The following SP140 variants were observed in gnomAD, a reference collection of about 807,000 sequenced individuals.
The protein encoded by SP140 is SP140 nuclear body protein, also known as nuclear body protein SP140.
SP140 carries 81 observed loss-of-function variants against 125.0 expected under a neutral mutation model. The observed-to-expected ratio is 0.65, with a 90% CI of 0.54 to 0.78. The LOEUF (loss-of-function observed/expected upper bound fraction) is 0.78, where lower values mean the gene tolerates loss of function less well. Among genes scored for constraint, SP140 ranks in the 30% least tolerant of loss-of-function variants. The probability of loss-of-function intolerance (pLI) is 0.00; values close to 1 mark genes in which losing one functional copy is unlikely to be tolerated. For missense variants in SP140, 858 were observed against 1,037.0 expected, an observed-to-expected ratio of 0.83 and a Z score of 2.37; for synonymous variants, 312 against 354.0, an observed-to-expected ratio of 0.88 and a Z score of 1.33.
chr2:230,208,026 G>T, intron 1 of SP140: 1 of 1,567,968 alleles, frequency 6.4e-7, no homozygotes. Flanking sequence ...TCTCCTTTTT[G>T]GAGTTGACCA....
At chr2:230,192,612 C>G in the SP140 span, among the ~76,000 whole-genome samples, 1 of 152,154 alleles carries the variant, frequency 6.6e-6, no homozygotes, top group African/African-American at 2.4e-5. Flanking sequence ...GAACTACAAA[C>G]CACTCCTCAA....
At chr2:230,265,999 A>T (rs1325892630) in intron 12 of SP140, among the ~76,000 whole-genome samples, 2 of 152,156 alleles carry the variant, frequency 1.3e-5, no homozygotes, top group African/African-American at 2.4e-5. Context: ...GGAGTATTTT[A>T]AAATCGTGAA....
At chr2:230,220,204 A>C (rs910432658) in intron 3 of SP140, 2 of 358,218 alleles carry the variant, frequency 5.6e-6, no homozygotes, top group Non-Finnish European at 7.8e-6. Context: ...TGGGAGGAGG[A>C]GGCATAAGGG....
chr2:230,188,785 G>T, the SP140 span, among the ~76,000 whole-genome samples: 1 of 152,086 alleles, frequency 6.6e-6, no homozygotes, highest in African/African-American at 2.4e-5. Context: ...CCACATTATT[G>T]ACTTGCATGT....
chr2:230,280,707 C>A (rs2055413550), intron 15 of SP140, among the ~76,000 whole-genome samples: 1 of 152,124 alleles, frequency 6.6e-6, no homozygotes, highest in African/African-American at 2.4e-5. Flanking sequence ...GGTTTCACTA[C>A]AAACTGAACA....
At chr2:230,285,220 A>G (rs2056209590) in intron 16 of SP140, among the ~76,000 whole-genome samples, 1 of 152,178 alleles carries the variant, frequency 6.6e-6, no homozygotes. Flanking sequence ...TTCAAAATTT[A>G]TTTTAGCCAT....
In SP140 at chr2:230,294,415, T is replaced by A. The variant is rs142282265; in HGVS notation, c.2016+97T>A. 45 of 922,566 alleles carry A rather than the reference T, an allele frequency of 4.9e-5. No homozygotes were observed. The East Asian group carries it at 1.1e-3, about 22-fold the overall frequency. 57.1% of individuals were successfully genotyped at this position (922,566 alleles called of 1,614,324 possible). A position where few individuals can be genotyped will look rare whatever the true frequency, so the allele number is the denominator to read the frequency against. ...GGGGTCTGAAATTGGGTAGGAATAA[T>A]TAAGCTTTCACCTTCTTCACTACTC... On this transcript the variant is annotated intron_variant, in intron 21 of 26. Coordinates refer to ENST00000392045, the MANE Select transcript of SP140 (RefSeq NM_007237.5).
chr2:230,201,084 C>T, upstream of SP140: 3 of 797,600 alleles, frequency 3.8e-6, no homozygotes, highest in Non-Finnish European at 4.5e-6. Flanking sequence ...AGGTCTTACC[C>T]TCCTAACAAT....
intron 1 of SP140, among the ~76,000 whole-genome samples, chr2:230,206,410 G>A (rs966801981): frequency 5.9e-5 from 9 of 151,372 alleles, no homozygotes; most frequent in African/African-American, 2.2e-4. Context: ...GTGCTCCTCT[G>A]TCTTCACTGG....
chr2:230,195,867 C>T, the SP140 span, among the ~76,000 whole-genome samples: 2 of 151,876 alleles, frequency 1.3e-5, no homozygotes, highest in African/African-American at 2.4e-5. Flanking sequence ...ATATACATAG[C>T]ATATAGAAGG....
intron 1 of SP140, chr2:230,212,818 G>A: frequency 1.9e-6 from 3 of 1,614,116 alleles, no homozygotes; most frequent in Non-Finnish European, 2.5e-6. Context: ...GGGTCAGATG[G>A]GCTGGGCGAC....
At chr2:230,291,059 G>T (rs1341635827) in intron 19 of SP140, among the ~76,000 whole-genome samples, 1 of 152,186 alleles carries the variant, frequency 6.6e-6, no homozygotes, top group African/African-American at 2.4e-5. Flanking sequence ...ATCCAAGAGA[G>T]GGAACAATAA....
At chr2:230,239,106 A>G in intron 3 of SP140, 1 of 1,263,264 alleles carries the variant, frequency 7.9e-7, no homozygotes, top group Non-Finnish European at 1.0e-6. Flanking sequence ...GAAGAATGGG[A>G]TGTGTTGATT....
chr2:230,295,891 A>G (rs966309887), intron 21 of SP140, among the ~76,000 whole-genome samples: 1 of 152,232 alleles, frequency 6.6e-6, no homozygotes, highest in Non-Finnish European at 1.5e-5. Context: ...CACTCAACAT[A>G]TAATTATCAA....
chr2:230,243,812 G>C lies in SP140; in HGVS notation c.571+1G>C, dbSNP rs374923389. The C allele has an allele frequency of 6.2e-7, 1 of 1,609,260 alleles. No homozygotes were observed. Among genetic ancestry groups the C allele is most frequent in the Non-Finnish European group, 8.5e-7 (1 of 1,175,986 alleles). ...AGCTCCTCGCCAAGGTGTGAGCCAG[G>C]TAAGGAAGGAGTGACTTGCTCTCCC... On this transcript the variant is annotated splice_donor_variant, in intron 5 of 26. Coordinates refer to ENST00000392045, the MANE Select transcript of SP140 (RefSeq NM_007237.5). LOFTEE classifies it high-confidence loss of function.
At chr2:230,289,376 T>C (rs779808359) in intron 18 of SP140, among the ~76,000 whole-genome samples, 8 of 152,240 alleles carry the variant, frequency 5.3e-5, no homozygotes, top group Non-Finnish European at 1.2e-4. Flanking sequence ...CTTTGTCAGA[T>C]AGATAGACTG....
chr2:230,266,182 T>C (rs189546165), intron 12 of SP140, among the ~76,000 whole-genome samples: 95 of 152,282 alleles, frequency 6.2e-4, no homozygotes, highest in African/African-American at 2.3e-3. Context: ...CTGAAGACAT[T>C]GTAACATTTC....
intron 11 of SP140, among the ~76,000 whole-genome samples, chr2:230,254,834 C>T (rs765158913): frequency 2.0e-5 from 3 of 152,168 alleles, no homozygotes; most frequent in Admixed American, 6.5e-5. Context: ...CTCATCTCTA[C>T]TAATGGCATC....
intron 12 of SP140, among the ~76,000 whole-genome samples, chr2:230,261,009 A>AATTTGTGAT (rs2052146925): frequency 6.6e-6 from 1 of 152,062 alleles, no homozygotes; most frequent in Non-Finnish European, 1.5e-5. Flanking sequence ...GATTGCATTG[A>AATTTGTGAT]ATTTGTGATT....
Sources: allele counts gnomAD v4.1 joint callset (sites outside exome capture counted in the v4.1 genomes callset), GRCh38; gene constraint gnomAD v4.1.1; transcripts MANE v1.5; gene names NCBI Gene and HGNC (gene_info 2026-07-23, HGNC 2026-07-21).